ARK2C: variants seen among roughly 807,000 people sequenced by gnomAD.
ARK2C encodes arkadia (RNF111) C-terminal like ring finger ubiquitin ligase 2C, also known as E3 ubiquitin-protein ligase ARK2C.
the ARK2C span, among the ~76,000 whole-genome samples, chr18:46,415,592 G>T: frequency 6.6e-6 from 1 of 151,942 alleles, no homozygotes; most frequent in Non-Finnish European, 1.5e-5. Context: ...CCCCTCCCTG[G>T]TGCACTAGGC....
the ARK2C span, among the ~76,000 whole-genome samples, chr18:46,412,820 T>C: frequency 6.6e-6 from 1 of 152,108 alleles, no homozygotes; most frequent in Non-Finnish European, 1.5e-5. Context: ...ATGGCACACC[T>C]GTGGGCCAGG....
the ARK2C span, among the ~76,000 whole-genome samples, chr18:46,439,255 G>A: frequency 3.3e-5 from 5 of 152,324 alleles, no homozygotes; most frequent in African/African-American, 1.2e-4. Context: ...CCCTCAGAAA[G>A]ATCTCAGATG....
chr18:46,454,814 G>A, the ARK2C span, among the ~76,000 whole-genome samples: 1 of 152,218 alleles, frequency 6.6e-6, no homozygotes, highest in Admixed American at 6.5e-5. Flanking sequence ...TCATGGCACA[G>A]TGTGAAGATG....
chr18:46,453,922 G>C, the ARK2C span, among the ~76,000 whole-genome samples: 2 of 151,584 alleles, frequency 1.3e-5, no homozygotes, highest in Non-Finnish European at 1.5e-5. Context: ...AGACCAGCCT[G>C]GCCATCATAG....
At chr18:46,456,797 A>G in the ARK2C span, 1 of 631,706 alleles carries the variant, frequency 1.6e-6, no homozygotes, top group Non-Finnish European at 2.9e-6. Flanking sequence ...GTCGAGGGAG[A>G]GGAGGGGGTT....
At chr18:46,362,996 G>A in the ARK2C span, among the ~76,000 whole-genome samples, 2 of 152,238 alleles carry the variant, frequency 1.3e-5, no homozygotes, top group African/African-American at 4.8e-5. Flanking sequence ...CACAGAAAAA[G>A]TGTAGAGTTA....
the ARK2C span, among the ~76,000 whole-genome samples, chr18:46,425,687 C>T: frequency 6.6e-6 from 1 of 152,224 alleles, no homozygotes; most frequent in Admixed American, 6.5e-5. Flanking sequence ...AGCCCTCATT[C>T]CACTCCCCTC....
At chr18:46,369,056 C>T in the ARK2C span, among the ~76,000 whole-genome samples, 2 of 152,158 alleles carry the variant, frequency 1.3e-5, no homozygotes, top group African/African-American at 2.4e-5. Context: ...AATTCACGGT[C>T]CTGAGAAATT....
chr18:46,376,695 G>A, the ARK2C span, among the ~76,000 whole-genome samples: 3 of 93,720 alleles, frequency 3.2e-5, no homozygotes, highest in African/African-American at 1.3e-4. Flanking sequence ...TTTTTGAGAT[G>A]GAGTCTTGCT....
the ARK2C span, among the ~76,000 whole-genome samples, chr18:46,442,695 T>C: frequency 6.6e-6 from 1 of 152,212 alleles, no homozygotes; most frequent in South Asian, 2.1e-4. Context: ...TTCAGGTCTT[T>C]TATATTCTTA....
chr18:46,452,333 G>A, the ARK2C span, among the ~76,000 whole-genome samples: 1 of 152,080 alleles, frequency 6.6e-6, no homozygotes, highest in African/African-American at 2.4e-5. Flanking sequence ...AGGCTGGAGT[G>A]CAGTGGCACG....
At chr18:46,406,567 G>C in the ARK2C span, among the ~76,000 whole-genome samples, 1 of 152,232 alleles carries the variant, frequency 6.6e-6, no homozygotes, top group African/African-American at 2.4e-5. Context: ...GCTCAGAGAG[G>C]TCCTGGCTTG....
At chr18:46,415,001 A>G in the ARK2C span, among the ~76,000 whole-genome samples, 5 of 152,192 alleles carry the variant, frequency 3.3e-5, no homozygotes, top group African/African-American at 9.7e-5. Flanking sequence ...TGGACACTCC[A>G]TCGGCTTCAG....
the ARK2C span, among the ~76,000 whole-genome samples, chr18:46,383,837 C>T: frequency 1.3e-5 from 2 of 152,184 alleles, no homozygotes; most frequent in South Asian, 2.1e-4. Flanking sequence ...AGGCGTGAGC[C>T]ACCGCGCCCG....
At chr18:46,433,007 G>C in the ARK2C span, among the ~76,000 whole-genome samples, 1 of 151,914 alleles carries the variant, frequency 6.6e-6, no homozygotes, top group Non-Finnish European at 1.5e-5. Context: ...TCAGGTACAC[G>C]CACACAGCCT....
At chr18:46,398,683 C>T in the ARK2C span, among the ~76,000 whole-genome samples, 3 of 151,950 alleles carry the variant, frequency 2.0e-5, no homozygotes, top group East Asian at 1.9e-4. Context: ...TGAGAGCACA[C>T]GGTCTAGCCC....
the ARK2C span, among the ~76,000 whole-genome samples, chr18:46,367,045 A>C: frequency 4.1e-4 from 62 of 152,288 alleles, no homozygotes; most frequent in African/African-American, 1.5e-3. Context: ...CAAGCAAAAT[A>C]ACGCTATGGA....
chr18:46,403,360 TCTCCCTGCCCCCGGAGAGAGCC>T, the ARK2C span, among the ~76,000 whole-genome samples: 43 of 152,124 alleles, frequency 2.8e-4, 1 homozygote, highest in South Asian at 8.5e-3. Flanking sequence ...TAGAGAAAGC[TCTCCCTGCCCCCGGAGAGAGCC>T]CTCCCTGCCC....
chr18:46,340,449 G>T, the ARK2C span, among the ~76,000 whole-genome samples: 1 of 151,636 alleles, frequency 6.6e-6, no homozygotes, highest in Non-Finnish European at 1.5e-5. Flanking sequence ...CAAACACTGC[G>T]CTAAGGGGGA....
Sources: gnomAD v4.1 joint callset for allele counts (sites outside exome capture counted in the v4.1 genomes callset) on GRCh38, gnomAD v4.1.1 for gene constraint, MANE v1.5 for transcripts, NCBI Gene and HGNC (gene_info 2026-07-23, HGNC 2026-07-21) for gene names.